The following PLVAP variants were observed in gnomAD, a reference collection of about 807,000 sequenced individuals.
PLVAP encodes plasmalemma vesicle associated protein.
In PLVAP, 34 loss-of-function variants were observed where a neutral mutation model predicts 43.1. That is an observed-to-expected ratio of 0.79 (90% CI 0.60 to 1.05). PLVAP has a LOEUF of 1.05. Ranked by LOEUF, PLVAP falls within the 50% of genes least tolerant of loss-of-function variation. The pLI, the probability that PLVAP is intolerant of heterozygous loss-of-function variation, is 0.00. For missense variants in PLVAP, 574 were observed against 593.4 expected (o/e 0.97, Z 0.34); for synonymous variants, 241 against 237.3 (o/e 1.02, Z -0.14).
At chr19:17,358,287 A>AG (rs2074514447) in intron 5 of PLVAP, among the ~76,000 whole-genome samples, 1 of 146,146 alleles carries the variant, frequency 6.8e-6, no homozygotes, top group African/African-American at 2.6e-5. Flanking sequence ...AAAAAGAAGA[A>AG]GAGGTGGAAA....
intron 1 of PLVAP, among the ~76,000 whole-genome samples, chr19:17,368,401 A>G (rs577823837): frequency 6.6e-6 from 1 of 151,286 alleles, no homozygotes; most frequent in East Asian, 2.0e-4. Context: ...TAGTAGAGAC[A>G]GGGTTTCACC....
At chr19:17,361,093 T>A (rs536873758) in intron 3 of PLVAP, 1 of 395,986 alleles carries the variant, frequency 2.5e-6, no homozygotes, top group Admixed American at 4.1e-5. Flanking sequence ...TTTTTGTATT[T>A]TTAATAGAGC....
In PLVAP at chr19:17,360,576, A is replaced by G. The variant is rs372802462; in HGVS notation, c.1274T>C (p.Ile425Thr). The G allele has an allele frequency of 6.9e-5, 112 of 1,613,702 alleles. No individual in the cohort carries two copies. The highest frequency in any genetic ancestry group is 9.2e-5 in the Non-Finnish European group (108 of 1,179,872). ...PASLEEFKRK[I>T]LESQRPPAGI... is the part of the protein sequence containing the mutation. ...TGCAGGGGGCCTCTGGGACTCCAGGATCTTCCTCTTGAACTCCTCCAGGCT... is the reference window on the plus strand; with the variant it reads ...TGCAGGGGGCCTCTGGGACTCCAGGGTCTTCCTCTTGAACTCCTCCAGGCT... The change falls in exon 5 of 6, where the codon ATC becomes ACC. Residue 425 changes from isoleucine to threonine, a missense_variant. Coordinates refer to ENST00000252590, the MANE Select transcript of PLVAP (RefSeq NM_031310.3).
In PLVAP at chr19:17,352,167, TGGGTGAGGGATCGTGAGGCGC is replaced by T. The variant is rs2074488472; in HGVS notation, c.*174_*194del. The stretch of plus-strand genomic sequence containing the variant: ...ACGTCATCTCCGCGGCCGTGTGCTC[TGGGTGAGGGATCGTGAGGCGC>T]GGGTGCGGGTGTGAGAGGGTACTAG... On this transcript the variant is annotated 3_prime_UTR_variant, in exon 6 of 6. Coordinates refer to ENST00000252590, the MANE Select transcript of PLVAP (RefSeq NM_031310.3). The T allele has an allele frequency of 1.5e-6, 1 of 685,956 alleles. No homozygotes were observed. Among genetic ancestry groups the T allele is most frequent in the Non-Finnish European group, 2.4e-6 (1 of 409,370 alleles). 42.5% of individuals were successfully genotyped at this position (685,956 alleles called of 1,614,324 possible). A position where few individuals can be genotyped will look rare whatever the true frequency, so the allele number is the denominator to read the frequency against.
chr19:17,376,911 C>A lies in PLVAP; in HGVS notation c.369+9G>T. 6.2e-7 allele frequency: 1 copy of A among 1,608,474 alleles called. No homozygotes were observed. The highest frequency in any genetic ancestry group is 8.5e-7 in the Non-Finnish European group (1 of 1,177,398). On this transcript the variant is annotated intron_variant, in intron 1 of 5. Coordinates refer to ENST00000252590, the MANE Select transcript of PLVAP (RefSeq NM_031310.3). ...GTCCCCAGGGCGAGTGTCCTGCCCA[C>A]AGCCTTACCCGGTCACCCTGGCACT...
intron 1 of PLVAP, among the ~76,000 whole-genome samples, chr19:17,374,392 A>G (rs2074586410): frequency 6.7e-6 from 1 of 149,356 alleles, no homozygotes; most frequent in African/African-American, 2.5e-5. Context: ...ATGAACGCAG[A>G]AGGTGGGGCT....
intron 1 of PLVAP, among the ~76,000 whole-genome samples, chr19:17,366,610 T>G (rs1287624405): frequency 6.6e-6 from 1 of 151,220 alleles, no homozygotes; most frequent in Non-Finnish European, 1.5e-5. Context: ...ACATCCACAT[T>G]TATGGTCAAC....
intron 5 of PLVAP, among the ~76,000 whole-genome samples, chr19:17,357,589 A>T (rs12459439): frequency 2.0e-5 from 3 of 151,930 alleles, no homozygotes; most frequent in East Asian, 1.9e-4. Flanking sequence ...GTTTGAGCCC[A>T]GGAGTTCGAG....
At position 17,377,036 on chromosome 19, in the gene PLVAP, T is replaced by C. The variant is rs1380542170; in HGVS notation, c.253A>G (p.Thr85Ala). 1 of 1,613,988 alleles carries C rather than the reference T, an allele frequency of 6.2e-7. No individual in the cohort carries two copies. Among genetic ancestry groups the C allele is most frequent in the Non-Finnish European group, 8.5e-7 (1 of 1,179,990 alleles). The change falls in exon 1 of 6, where the codon ACC becomes GCC. Residue 85 changes from threonine (T) to alanine (A), a missense_variant. Physicochemically the swap from Thr to Ala is moderately conservative, Grantham distance 58. Transcript: ENST00000252590. Reference protein sequence around the residue: ...LGLTASQSNLTKELNFTTRAK... With the variant: ...LGLTASQSNLAKELNFTTRAK... ...CGGGTGGTGAAGTTGAGCTCCTTGG[T>C]CAAGTTGGACTGGGAGGCCGTGAGC...
intron 1 of PLVAP, among the ~76,000 whole-genome samples, chr19:17,371,477 AT>A (rs987905087): frequency 2.6e-5 from 4 of 151,624 alleles, no homozygotes; most frequent in African/African-American, 9.7e-5. Flanking sequence ...CCGGCCAGCT[AT>A]TTTTATTTTA....
intron 5 of PLVAP, among the ~76,000 whole-genome samples, chr19:17,356,323 G>T (rs1392054684): frequency 6.6e-6 from 1 of 152,036 alleles, no homozygotes; most frequent in African/African-American, 2.4e-5. Context: ...GAAAAAGAAA[G>T]ATTTTTTTTC....
At chr19:17,374,099 T>C (rs946706086) in intron 1 of PLVAP, among the ~76,000 whole-genome samples, 2 of 152,128 alleles carry the variant, frequency 1.3e-5, no homozygotes, top group Non-Finnish European at 2.9e-5. Flanking sequence ...GAGGCAGTGG[T>C]TGCAGTGAGC....
chr19:17,367,092 G>T (rs1287129501), intron 1 of PLVAP, among the ~76,000 whole-genome samples: 1 of 151,606 alleles, frequency 6.6e-6, no homozygotes, highest in Non-Finnish European at 1.5e-5. Context: ...ACAGGTATGC[G>T]CCACCACTCC....
chr19:17,353,602 G>A (rs2162889), intron 5 of PLVAP, among the ~76,000 whole-genome samples: 99,418 of 151,870 alleles, frequency 0.65, 33,335 homozygotes, highest in Non-Finnish European at 0.72. Context: ...TCCTCTGTCT[G>A]GTGCACCCTT....
chr19:17,359,418 T>TA, intron 5 of PLVAP, among the ~76,000 whole-genome samples: 1 of 146,938 alleles, frequency 6.8e-6, no homozygotes, highest in African/African-American at 2.6e-5. Context: ...CCAGCCTCTC[T>TA]TTTTTTGAGA....
chr19:17,358,828 C>G (rs1295419594), intron 5 of PLVAP, among the ~76,000 whole-genome samples: 1 of 150,772 alleles, frequency 6.6e-6, no homozygotes, highest in African/African-American at 2.4e-5. Flanking sequence ...AAGACAGGAT[C>G]TCACTCTGTC....
Position 17,377,295 on chromosome 19 carries a change from G to T in PLVAP, c.-7C>A. 2 of 1,602,144 alleles carry T rather than the reference G, an allele frequency of 1.2e-6. No individual in the cohort carries two copies. The highest frequency in any genetic ancestry group is 1.7e-6 in the Non-Finnish European group (2 of 1,172,954). On this transcript the variant is annotated 5_prime_UTR_variant, in exon 1 of 6. Coordinates refer to ENST00000252590, the MANE Select transcript of PLVAP (RefSeq NM_031310.3). ...GCTCCATGGCCAGACCCATTTGCTCGATCCCGCCGTCCGGTGCACCGTCCC... is the reference window on the plus strand; with the variant it reads ...GCTCCATGGCCAGACCCATTTGCTCTATCCCGCCGTCCGGTGCACCGTCCC...
At chr19:17,367,132 T>C (rs1462942831) in intron 1 of PLVAP, among the ~76,000 whole-genome samples, 2 of 151,120 alleles carry the variant, frequency 1.3e-5, no homozygotes, top group Non-Finnish European at 3.0e-5. Flanking sequence ...TCCTTAGAGA[T>C]GGGGGTTTTA....
At chr19:17,354,037 C>A (rs2074496490) in intron 5 of PLVAP, among the ~76,000 whole-genome samples, 1 of 152,194 alleles carries the variant, frequency 6.6e-6, no homozygotes, top group Admixed American at 6.5e-5. Context: ...TGCCTGTAAT[C>A]CCAGCACTTT....
Sources: gnomAD v4.1 joint callset for allele counts (sites outside exome capture counted in the v4.1 genomes callset) on GRCh38, gnomAD v4.1.1 for gene constraint, MANE v1.5 for transcripts, NCBI Gene and HGNC (gene_info 2026-07-23, HGNC 2026-07-21) for gene names.